The following RAB3GAP1 variants were observed in gnomAD, a reference collection of about 807,000 sequenced individuals.
The protein encoded by RAB3GAP1 is rab3 GTPase-activating protein catalytic subunit.
A neutral mutation model predicts 130.7 loss-of-function variants in RAB3GAP1; 86 were observed. The ratio of observed to expected loss-of-function variants is 0.66; its 90% CI spans 0.55 to 0.79. The LOEUF is 0.79. Among genes scored for constraint, RAB3GAP1 ranks in the 30% least tolerant of loss-of-function variants. RAB3GAP1 has a pLI of 0.00. For synonymous variants in RAB3GAP1, 367 were observed against 401.7 expected (o/e 0.91, Z 1.03); for missense variants, 1,029 against 1,169.4 (o/e 0.88, Z 1.75).
chr2:135,158,211 C>T (rs1692369283), intron 19 of RAB3GAP1, among the ~76,000 whole-genome samples: 1 of 152,174 alleles, frequency 6.6e-6, no homozygotes, highest in African/African-American at 2.4e-5. Flanking sequence ...CTGACACCCT[C>T]ATAGCAGTGA....
At chr2:135,172,232 C>T (rs1692874163), downstream of RAB3GAP1, among the ~76,000 whole-genome samples, 2 of 151,764 alleles carry the variant, frequency 1.3e-5, no homozygotes, top group Admixed American at 1.3e-4. Context: ...GAGTTCGAGA[C>T]CAGCCTGGCC....
downstream of RAB3GAP1, among the ~76,000 whole-genome samples, chr2:135,172,985 A>AG (rs1692899502): frequency 6.6e-6 from 1 of 152,090 alleles, no homozygotes; most frequent in Non-Finnish European, 1.5e-5. Context: ...GCGGAATGGA[A>AG]GGTCCCTGCC....
chr2:135,117,912 G>T (rs1001365551), intron 7 of RAB3GAP1, among the ~76,000 whole-genome samples: 1 of 151,380 alleles, frequency 6.6e-6, no homozygotes, highest in East Asian at 2.0e-4. Flanking sequence ...GCAGTGTAGG[G>T]CGTGATTACA....
intron 5 of RAB3GAP1, among the ~76,000 whole-genome samples, chr2:135,096,820 A>G (rs1434104268): frequency 1.3e-5 from 2 of 152,220 alleles, no homozygotes; most frequent in East Asian, 3.8e-4. Context: ...TGAGGATCAA[A>G]TAAGATAATG....
chr2:135,146,437 C>T (rs1001938197), intron 17 of RAB3GAP1, among the ~76,000 whole-genome samples: 1 of 152,022 alleles, frequency 6.6e-6, no homozygotes, highest in African/African-American at 2.4e-5. Context: ...GTCTTGAACT[C>T]CTGACCTCAA....
At chr2:135,066,675 G>C (rs549304720) in intron 3 of RAB3GAP1, among the ~76,000 whole-genome samples, 6 of 152,120 alleles carry the variant, frequency 3.9e-5, no homozygotes, top group African/African-American at 1.4e-4. Context: ...TTGGGATTCT[G>C]TTGTCTGGGG....
chr2:135,150,410 T>C lies in RAB3GAP1; in HGVS notation c.1965T>C (p.Ser655=). The change falls in exon 18 of 24, where the codon TCT becomes TCC. Residue 655 remains serine (S), a synonymous_variant. Coordinates refer to ENST00000264158, the MANE Select transcript of RAB3GAP1 (RefSeq NM_012233.3). ...CAGAAGATCTGCTAGAAGAGCAGTC[T>C]GAAGTTTTAGCTAAATTAGGTACAT... is the stretch of plus-strand genomic sequence containing the variant. ...PMTEDLLEEQ[S]EVLAKLGTSA... 1 of 1,614,242 alleles carries C rather than the reference T, an allele frequency of 6.2e-7. No individual in the cohort carries two copies. Among genetic ancestry groups the C allele is most frequent in the Non-Finnish European group, 8.5e-7 (1 of 1,180,040 alleles).
intron 3 of RAB3GAP1, among the ~76,000 whole-genome samples, chr2:135,083,529 T>TTGC (rs1689887596): frequency 1.3e-5 from 2 of 152,056 alleles, no homozygotes; most frequent in African/African-American, 2.4e-5. Flanking sequence ...GCTACAATCA[T>TTGC]AGTTTACTGT....
chr2:135,137,875 G>T (rs1691718779), intron 17 of RAB3GAP1, among the ~76,000 whole-genome samples: 1 of 151,690 alleles, frequency 6.6e-6, no homozygotes. Context: ...ACCCAGGTGG[G>T]AGTGCAGTGG....
chr2:135,073,956 C>A (rs1689549044), intron 3 of RAB3GAP1, among the ~76,000 whole-genome samples: 1 of 152,160 alleles, frequency 6.6e-6, no homozygotes, highest in Non-Finnish European at 1.5e-5. Context: ...GATCCACTCA[C>A]ATCTGCTGAG....
chr2:135,145,035 G>C (rs899111481), intron 17 of RAB3GAP1, among the ~76,000 whole-genome samples: 4 of 152,098 alleles, frequency 2.6e-5, no homozygotes, highest in Non-Finnish European at 4.4e-5. Flanking sequence ...TACTAACAGA[G>C]TTTTGCTTAA....
intron 5 of RAB3GAP1, among the ~76,000 whole-genome samples, chr2:135,106,292 A>G (rs368255505): frequency 0.06 from 9,077 of 152,294 alleles, 523 homozygotes; most frequent in African/African-American, 0.15. Flanking sequence ...CCATGATGAC[A>G]ATGGCGGTTT....
intron 3 of RAB3GAP1, among the ~76,000 whole-genome samples, chr2:135,085,343 A>T (rs1262332900): frequency 6.6e-6 from 1 of 152,204 alleles, no homozygotes; most frequent in African/African-American, 2.4e-5. Flanking sequence ...ATTTTTACTG[A>T]TAGAGGTCAC....
chr2:135,091,202 A>G, intron 4 of RAB3GAP1, 72 bp downstream of exon 4: 1 of 1,403,020 alleles, frequency 7.1e-7, no homozygotes, highest in Non-Finnish European at 9.9e-7. Context: ...TTATTAATTT[A>G]GTGTTCTTCC....
At chr2:135,145,176 A>G (rs1021949366) in intron 17 of RAB3GAP1, among the ~76,000 whole-genome samples, 23 of 152,174 alleles carry the variant, frequency 1.5e-4, no homozygotes, top group African/African-American at 4.3e-4. Flanking sequence ...TGGAGTATCA[A>G]TCGCCTTGAT....
chr2:135,125,856 TG>T (rs1431397753), intron 9 of RAB3GAP1, among the ~76,000 whole-genome samples: 2 of 152,204 alleles, frequency 1.3e-5, no homozygotes, highest in African/African-American at 4.8e-5. Flanking sequence ...AGTGAAGCTG[TG>T]GATAAGGAGG....
intron 3 of RAB3GAP1, among the ~76,000 whole-genome samples, chr2:135,068,735 AGAGT>A (rs1201011048): frequency 5.3e-5 from 8 of 152,344 alleles, no homozygotes; most frequent in Admixed American, 2.0e-4. Flanking sequence ...CCTCGGTGAC[AGAGT>A]GAGACTCCAT....
At chr2:135,128,028 A>G (rs1048527742) in intron 11 of RAB3GAP1, among the ~76,000 whole-genome samples, 2 of 152,146 alleles carry the variant, frequency 1.3e-5, no homozygotes, top group African/African-American at 4.8e-5. Context: ...ATATATTACC[A>G]TTTAACTGAT....
chr2:135,064,935 T>G (rs966747726), intron 3 of RAB3GAP1, among the ~76,000 whole-genome samples: 2 of 151,500 alleles, frequency 1.3e-5, no homozygotes, highest in Non-Finnish European at 2.9e-5. Flanking sequence ...TTTTTGGTTG[T>G]AGAGAGTGGT....
Sources: gnomAD v4.1 joint callset for allele counts (sites outside exome capture counted in the v4.1 genomes callset) on GRCh38, gnomAD v4.1.1 for gene constraint, MANE v1.5 for transcripts, NCBI Gene and HGNC (gene_info 2026-07-23, HGNC 2026-07-21) for gene names.